MEGF11: variants seen among roughly 807,000 people sequenced by gnomAD.
The protein encoded by MEGF11 is multiple EGF like domains 11.
In MEGF11, 126 loss-of-function variants were observed where a neutral mutation model predicts 146.6. The observed-to-expected ratio is 0.86, with a 90% CI of 0.74 to 1.00. The LOEUF (loss-of-function observed/expected upper bound fraction) is 1.00. Among genes scored for constraint, MEGF11 ranks in the 50% least tolerant of loss-of-function variants. MEGF11 has a pLI of 0.00. For synonymous variants in MEGF11, 532 were observed against 583.4 expected (o/e 0.91, Z 1.27); for missense variants, 1,509 against 1,521.2 (o/e 0.99, Z 0.13).
chr15:66,094,715 T>C (rs983706561), intron 4 of MEGF11, among the ~76,000 whole-genome samples: 4 of 152,196 alleles, frequency 2.6e-5, no homozygotes, highest in African/African-American at 7.2e-5. Flanking sequence ...AGCTCATTTC[T>C]TAAAATGAAA....
In MEGF11 at chr15:65,916,833, G is replaced by A; in HGVS notation, c.2210C>T (p.Thr737Ile). 1.9e-6 allele frequency: 3 copies of A among 1,608,512 alleles called. No individual in the cohort carries two copies. The highest frequency in any genetic ancestry group is 2.5e-6 in the Non-Finnish European group (3 of 1,176,556). ...CTPGWTGLFC[T>I]QRCPAAFFGK... ...GGCCAGGAGGTGGGGCTTACGCTGT[G>A]TGCAGAAGAGTCCAGTCCAGCCAGG... The change falls in exon 17 of 26, where the codon ACA (threonine) becomes ATA (isoleucine). Residue 737 changes from threonine to isoleucine, a missense_variant. By Grantham distance (89) the Thr-to-Ile change is moderately conservative. Transcript: ENST00000395614.
chr15:65,922,304 TC>T, intron 15 of MEGF11, 33 bp downstream of exon 15: 4 of 1,599,560 alleles, frequency 2.5e-6, no homozygotes, highest in Non-Finnish European at 3.4e-6. Flanking sequence ...ACCTCTCACC[TC>T]CCCACCCAGT....
chr15:65,913,520 A>G (rs959878108), intron 20 of MEGF11: 29 of 597,678 alleles, frequency 4.9e-5, no homozygotes, highest in Non-Finnish European at 8.3e-5. Flanking sequence ...GAGGCTCCCA[A>G]CCACAGCTGC....
chr15:66,172,178 G>A lies in MEGF11; in HGVS notation c.-8-43767C>T, dbSNP rs1416910483. Among the ~76,000 whole-genome samples the A allele has an allele frequency of 2.6e-5, 4 of 152,224 alleles. No individual in the cohort carries two copies. In the South Asian group the frequency reaches 6.2e-4, roughly 24 times the overall value. On this transcript the variant is annotated intron_variant, in intron 1 of 25. Transcript: ENST00000395614. The stretch of plus-strand genomic sequence containing the variant: ...CTGGAGTCGGAAGTTTGCTCGGCAG[G>A]AGAATGACCACCACCTTTAACAGGG...
chr15:65,904,014 T>C (rs1045166504), intron 24 of MEGF11, among the ~76,000 whole-genome samples: 4 of 152,224 alleles, frequency 2.6e-5, no homozygotes, highest in East Asian at 1.9e-4. Flanking sequence ...AGGTCAGATA[T>C]ATGATTCTAC....
chr15:65,954,091 G>A (rs1383987589), intron 10 of MEGF11, among the ~76,000 whole-genome samples: 3 of 152,128 alleles, frequency 2.0e-5, no homozygotes, highest in Non-Finnish European at 2.9e-5. Context: ...GTTCAGATAG[G>A]GAAATGGAGG....
rs1244351244 is a variant in MEGF11, at chr15:65,931,832, C to T, written c.1288-889G>A. Reference sequence around the variant, plus strand: ...ATATCATGTGCCATACACACTATCTCATTTAATTGTCACAGCACTCATAGG... The same window carrying T: ...ATATCATGTGCCATACACACTATCTTATTTAATTGTCACAGCACTCATAGG... On this transcript the variant is annotated intron_variant, in intron 10 of 25. Coordinates refer to ENST00000395614, the MANE Select transcript of MEGF11 (RefSeq NM_001385028.1). Among the ~76,000 whole-genome samples the T allele has an allele frequency of 2.0e-5, 3 of 152,310 alleles. No individual in the cohort carries two copies. The East Asian group carries it at 5.8e-4, about 29-fold the overall frequency.
rs1222117926 is a variant in MEGF11 at position 66,199,354 on chromosome 15, G to A, written c.-9+54251C>T. On this transcript the variant is annotated intron_variant, in intron 1 of 25. Coordinates refer to ENST00000395614, the MANE Select transcript of MEGF11 (RefSeq NM_001385028.1). ...CATTCCCCACCCTCCTCTCCTCCCAGTCCTAGTGCCCTGGGTGTTTTTCTA... is the reference window on the plus strand; with the variant it reads ...CATTCCCCACCCTCCTCTCCTCCCAATCCTAGTGCCCTGGGTGTTTTTCTA... Among the ~76,000 whole-genome samples, 3 of 152,068 alleles carry A rather than the reference G, an allele frequency of 2.0e-5. No homozygotes were observed. In the East Asian group the frequency reaches 5.8e-4, roughly 29 times the overall value.
intron 2 of MEGF11, among the ~76,000 whole-genome samples, chr15:66,125,913 G>A (rs148087911): frequency 6.6e-6 from 1 of 152,286 alleles, no homozygotes; most frequent in African/African-American, 2.4e-5. Flanking sequence ...CAGTCACAGG[G>A]CAGGGACCAG....
At chr15:65,970,734 G>A in intron 7 of MEGF11, 45 bp from the exon 8 acceptor site, 3 of 1,567,942 alleles carry the variant, frequency 1.9e-6, no homozygotes, top group Non-Finnish European at 2.6e-6. Context: ...CTCCAGAAAT[G>A]CCAAACTTTC....
At position 65,930,956 on chromosome 15, in the gene MEGF11, G is replaced by T. The variant is rs1421254523; in HGVS notation, c.1288-13C>A. The T allele has an allele frequency of 6.4e-7, 1 of 1,567,386 alleles. No homozygotes were observed. The highest frequency in any genetic ancestry group is 8.7e-7 in the Non-Finnish European group (1 of 1,150,660). On this transcript the variant is annotated splice_polypyrimidine_tract_variant and intron_variant, in intron 10 of 25. Transcript: ENST00000395614. ...CACAGACCTCTCCCTGGAAAGGGAG[G>T]GGGTGAATTTTGGATCAAAGGTTGC...
chr15:66,147,635 T>A (rs1309315798), intron 1 of MEGF11, among the ~76,000 whole-genome samples: 3 of 149,164 alleles, frequency 2.0e-5, no homozygotes, highest in Non-Finnish European at 4.5e-5. Context: ...GGCCTGGAGG[T>A]GAGAAAGAGC....
rs185432367 is a variant in MEGF11 at position 66,244,528 on chromosome 15, G to C, written c.-9+9077C>G. On this transcript the variant is annotated intron_variant, in intron 1 of 25. Transcript: ENST00000395614. ...GAACTTCAGGAAGATGTATGCAATA[G>C]AAAACATAGAGGAAAGAAGATGACC... Among the ~76,000 whole-genome samples, 433 of 152,254 alleles carry C rather than the reference G, an allele frequency of 2.8e-3. 4 individuals carry two copies. The highest frequency in any genetic ancestry group is 0.01 in the African/African-American group (419 of 41,542).
chr15:66,043,066 C>T (rs1028333119), intron 5 of MEGF11, among the ~76,000 whole-genome samples: 13 of 152,340 alleles, frequency 8.5e-5, no homozygotes, highest in Non-Finnish European at 1.8e-4. Flanking sequence ...GTCCTTCAGG[C>T]AAACAAGGCG....
intron 4 of MEGF11, among the ~76,000 whole-genome samples, chr15:66,114,380 T>G (rs1426588733): frequency 6.6e-6 from 1 of 152,186 alleles, no homozygotes; most frequent in Non-Finnish European, 1.5e-5. Context: ...GGCGGACACC[T>G]AATATGAAGA....
At chr15:66,138,705 C>A (rs973693624) in intron 1 of MEGF11, among the ~76,000 whole-genome samples, 1 of 152,202 alleles carries the variant, frequency 6.6e-6, no homozygotes, top group Non-Finnish European at 1.5e-5. Context: ...TAAGGATGGT[C>A]ATTTAACCTC....
chr15:66,171,067 T>A (rs916992621), intron 1 of MEGF11, among the ~76,000 whole-genome samples: 13 of 152,152 alleles, frequency 8.5e-5, no homozygotes, highest in African/African-American at 3.1e-4. Context: ...CCCCAGGAAG[T>A]CACAGGTCCT....
chr15:65,949,688 A>G (rs2080323407), intron 10 of MEGF11, among the ~76,000 whole-genome samples: 1 of 152,234 alleles, frequency 6.6e-6, no homozygotes, highest in Non-Finnish European at 1.5e-5. Flanking sequence ...CCAGACACGC[A>G]GGACCCATGC....
rs1349693976 is a variant in MEGF11, at chr15:66,221,505, C to T, written c.-9+32100G>A. On this transcript the variant is annotated intron_variant, in intron 1 of 25. Coordinates refer to ENST00000395614, the MANE Select transcript of MEGF11 (RefSeq NM_001385028.1). Reference sequence around the variant, plus strand: ...GAGGACCTCGTTCACCCTTTCCAGTCAGACCACCGGCTCCTAAGGACTCAG... The same window carrying T: ...GAGGACCTCGTTCACCCTTTCCAGTTAGACCACCGGCTCCTAAGGACTCAG... 2.0e-5 allele frequency among the ~76,000 whole-genome samples: 3 copies of T among 151,950 alleles called. No individual in the cohort carries two copies. In the East Asian group the frequency reaches 5.8e-4, roughly 29 times the overall value.
Sources: allele counts gnomAD v4.1 joint callset (sites outside exome capture counted in the v4.1 genomes callset), GRCh38; gene constraint gnomAD v4.1.1; transcripts MANE v1.5; gene names NCBI Gene and HGNC (gene_info 2026-07-23, HGNC 2026-07-21).